Variants in ACTN4 observed in about 807,000 individuals in gnomAD.
The protein encoded by ACTN4 is alpha-actinin-4.
A neutral mutation model predicts 114.2 loss-of-function variants in ACTN4; 18 were observed. The ratio of observed to expected loss-of-function variants is 0.16; its 90% CI spans 0.11 to 0.23. ACTN4 has a LOEUF of 0.23. ACTN4 is among the 10% of genes least tolerant of loss of function. The probability of loss-of-function intolerance (pLI) is 1.00; values close to 1 mark genes in which losing one functional copy is unlikely to be tolerated. For synonymous variants in ACTN4, 515 were observed against 506.3 expected (o/e 1.02, Z -0.23); for missense variants, 722 against 1,262.9 (o/e 0.57, Z 6.49).
chr19:38,667,103 AAAC>A (rs1384427809), intron 1 of ACTN4, among the ~76,000 whole-genome samples: 4 of 152,200 alleles, frequency 2.6e-5, no homozygotes, highest in Non-Finnish European at 4.4e-5. Context: ...AAGGGGAAAA[AAAC>A]AACAACACAA....
chr19:38,728,904 C>G (rs538494140), intron 19 of ACTN4, 92 bp from the exon 20 acceptor site: 132 of 1,535,976 alleles, frequency 8.6e-5, no homozygotes, highest in African/African-American at 1.1e-4. Flanking sequence ...CCTACTCTCT[C>G]GGCTGTTTCC....
At position 38,719,761 on chromosome 19, in the gene ACTN4, C is replaced by T. The variant is rs187550002; in HGVS notation, c.1291+1687C>T. Among the ~76,000 whole-genome samples the T allele has an allele frequency of 2.6e-3, 389 of 152,372 alleles. 2 individuals are homozygous for T. The highest frequency in any genetic ancestry group is 8.7e-3 in the African/African-American group (361 of 41,588). On this transcript the variant is annotated intron_variant, in intron 11 of 20. Coordinates refer to ENST00000252699, the MANE Select transcript of ACTN4 (RefSeq NM_004924.6). ...ACCTTCTGGGGGTCTTTCTGCCCAC[C>T]CATCAGCTCTTCAGTCCCTCTACAG...
intron 1 of ACTN4, among the ~76,000 whole-genome samples, chr19:38,686,027 G>A (rs1210436938): frequency 1.3e-5 from 2 of 152,212 alleles, no homozygotes; most frequent in African/African-American, 4.8e-5. Context: ...AGAAACAGGA[G>A]TGTTTGCCCT....
Position 38,647,995 on chromosome 19 carries a change from G to A in ACTN4, c.162+88G>A, listed in dbSNP as rs532871970. 17 of 1,353,222 alleles carry A rather than the reference G, an allele frequency of 1.3e-5. No individual in the cohort carries two copies. In the East Asian group the frequency reaches 4.3e-4, roughly 34 times the overall value. 83.8% of individuals were successfully genotyped at this position (1,353,222 alleles called of 1,614,324 possible). ...GGAGGTCCTGAAAGGTAACTGGAGC[G>A]TCTGTGATGGGAACGGGGGGGTCCC... On this transcript the variant is annotated intron_variant, in intron 1 of 20. Coordinates refer to ENST00000252699, the MANE Select transcript of ACTN4 (RefSeq NM_004924.6).
Position 38,717,957 on chromosome 19 carries a change from C to A in ACTN4, c.1174C>A (p.Gln392Lys). ...CAACAATGGCTGGCAGCACTTGGAG[C>A]AGGCTGAGAAGGGCTACGAGGAGTG... The part of the protein sequence containing the change: ...DINNGWQHLE[Q>K]AEKGYEEWLL... The change falls in exon 11 of 21, where the codon CAG (glutamine) becomes AAG (lysine). Residue 392 changes from glutamine (Q) to lysine (K), a missense_variant. Gln to Lys is a moderately conservative substitution (Grantham distance 53). Transcript: ENST00000252699. The surrounding 1 kb of genome is among the most constrained non-coding windows in gnomAD (Gnocchi z 4.0). The A allele has an allele frequency of 6.2e-7, 1 of 1,606,480 alleles. No individual in the cohort carries two copies. Among genetic ancestry groups the A allele is most frequent in the East Asian group, 2.2e-5 (1 of 44,696 alleles).
At chr19:38,705,467 C>A (rs532780206) in intron 4 of ACTN4, among the ~76,000 whole-genome samples, 1 of 152,354 alleles carries the variant, frequency 6.6e-6, no homozygotes, top group Admixed American at 6.5e-5. Context: ...CTGCAAGCAC[C>A]TGTGTGCACA....
At position 38,727,501 on chromosome 19, in the gene ACTN4, G is replaced by A. The variant is rs1157316532; in HGVS notation, c.2337+398G>A. On this transcript the variant is annotated intron_variant, in intron 18 of 20. Coordinates refer to ENST00000252699, the MANE Select transcript of ACTN4 (RefSeq NM_004924.6). This position sits in a 1 kb window ranked among gnomAD's most constrained non-coding sequence, Gnocchi z 5.4. The stretch of plus-strand genomic sequence containing the variant: ...GGGGCCCTGAGCGCCAGAGTTTGCT[G>A]CCATCCCCAGCCCACCCCTGCCGGG... Among the ~76,000 whole-genome samples the A allele has an allele frequency of 6.6e-6, 1 of 152,130 alleles. No homozygotes were observed. The highest frequency in any genetic ancestry group is 2.4e-5 in the African/African-American group (1 of 41,412).
chr19:38,667,274 G>A (rs573802277), intron 1 of ACTN4, among the ~76,000 whole-genome samples: 1 of 152,136 alleles, frequency 6.6e-6, no homozygotes, highest in African/African-American at 2.4e-5. Context: ...GTCATTGTTC[G>A]AAGCTGTCAC....
At position 38,725,918 on chromosome 19, in the gene ACTN4, C is replaced by T. The variant is rs747923592; in HGVS notation, c.2190+15C>T. ...ATACCATGGAGGTGCGCGGCTGCCC[C>T]GCCCGCTGGCCTTTCCACCAGCATG... On this transcript the variant is annotated intron_variant, in intron 17 of 20. Transcript: ENST00000252699. 26 of 1,613,168 alleles carry T rather than the reference C, an allele frequency of 1.6e-5. No homozygotes were observed. Among genetic ancestry groups the T allele is most frequent in the East Asian group, 2.2e-5 (1 of 44,892 alleles).
Position 38,727,142 on chromosome 19 carries a change from C to T in ACTN4, c.2337+39C>T. The T allele has an allele frequency of 5.6e-6, 9 of 1,613,272 alleles. No individual in the cohort carries two copies. The highest frequency in any genetic ancestry group is 7.6e-6 in the Non-Finnish European group (9 of 1,179,882). On this transcript the variant is annotated intron_variant, in intron 18 of 20. Transcript: ENST00000252699. This position sits in a 1 kb window ranked among gnomAD's most constrained non-coding sequence, Gnocchi z 5.4. ...CACCTCCTCGGCCTCTCCCCTCCCG[C>T]CGTTGCCGTACCAGCCCACACCTTC... is the stretch of plus-strand genomic sequence containing the variant.
At chr19:38,677,093 A>T (rs1352403073) in intron 1 of ACTN4, among the ~76,000 whole-genome samples, 1 of 152,024 alleles carries the variant, frequency 6.6e-6, no homozygotes, top group East Asian at 1.9e-4. Flanking sequence ...CTTTCGCCTC[A>T]GCTCGCCACC....
In ACTN4 at chr19:38,718,034, G is replaced by A. The variant is rs1391166842; in HGVS notation, c.1251G>A (p.Lys417=). ...RLERLDHLAE[K]FRQKASIHEA... is the part of the protein sequence containing the mutation. Reference sequence around the variant, plus strand: ...AGCGGCTCGACCACCTGGCAGAGAAGTTCCGGCAGAAGGCCTCCATCCACG... The same window carrying A: ...AGCGGCTCGACCACCTGGCAGAGAAATTCCGGCAGAAGGCCTCCATCCACG... The change falls in exon 11 of 21, where the codon AAG becomes AAA. Residue 417 remains lysine, a synonymous_variant. Coordinates refer to ENST00000252699, the MANE Select transcript of ACTN4 (RefSeq NM_004924.6). The A allele has an allele frequency of 1.2e-6, 2 of 1,609,268 alleles. No homozygotes were observed. The highest frequency in any genetic ancestry group is 2.2e-5 in the South Asian group (2 of 90,060).
chr19:38,728,066 GCTCTCT>G (rs148995680), intron 19 of ACTN4, 40 bp downstream of exon 19: 2 of 1,506,318 alleles, frequency 1.3e-6, no homozygotes, highest in African/African-American at 1.4e-5. Context: ...GGCATTAACT[GCTCTCT>G]CTCTCTCTCT....
intron 1 of ACTN4, chr19:38,648,279 G>T: frequency 5.4e-6 from 1 of 184,316 alleles, no homozygotes; most frequent in Non-Finnish European, 1.1e-5. Context: ...ATGGGTTGGG[G>T]GTGCTGGGAG....
chr19:38,726,853 G>C (rs1265553765), intron 17 of ACTN4, 104 bp from the exon 18 acceptor site: 1 of 1,530,214 alleles, frequency 6.5e-7, no homozygotes, highest in Non-Finnish European at 8.8e-7. Flanking sequence ...GAGAGCAGGG[G>C]CTTTCCCCAG....
In ACTN4 at chr19:38,726,985, T is replaced by C. The variant is rs1468358063; in HGVS notation, c.2219T>C (p.Leu740Pro). 6.2e-7 allele frequency: 1 copy of C among 1,614,008 alleles called. No homozygotes were observed. Among genetic ancestry groups the C allele is most frequent in the South Asian group, 1.1e-5 (1 of 91,084 alleles). Residue 740 changes from leucine to proline, a missense_variant, in exon 18 of 21, where the codon CTC becomes CCC. Transcript: ENST00000252699. ...EHIRVGWEQLLTTIARTINEV... is the reference protein window; with the variant it reads ...EHIRVGWEQLPTTIARTINEV... The stretch of plus-strand genomic sequence containing the variant: ...ATCCGCGTGGGCTGGGAGCAGCTGC[T>C]CACCACCATTGCCCGCACCATCAAC...
chr19:38,681,129 GAAAAAAAAAAAA>G (rs35906770), intron 1 of ACTN4, among the ~76,000 whole-genome samples: 2 of 69,292 alleles, frequency 2.9e-5, no homozygotes, highest in African/African-American at 6.4e-5. Flanking sequence ...CCAATCTCTA[GAAAAAAAAAAAA>G]AAAAAAAAAA....
In ACTN4 at chr19:38,724,727, G is replaced by A. The variant is rs1969175181; in HGVS notation, c.2010+162G>A. Reference sequence around the variant, plus strand: ...GTGATCACCCTGCGGGGTTAGGAGAGTCCACAGAGCTTGCGCCTGGAATCC... The same window carrying A: ...GTGATCACCCTGCGGGGTTAGGAGAATCCACAGAGCTTGCGCCTGGAATCC... On this transcript the variant is annotated intron_variant, in intron 16 of 20. Transcript: ENST00000252699. The surrounding 1 kb of genome is among the most constrained non-coding windows in gnomAD (Gnocchi z 7.0). 1.3e-5 allele frequency among the ~76,000 whole-genome samples: 2 copies of A among 152,246 alleles called. No individual in the cohort carries two copies. Among genetic ancestry groups the A allele is most frequent in the Non-Finnish European group, 2.9e-5 (2 of 68,048 alleles).
intron 1 of ACTN4, 39 bp downstream of exon 1, chr19:38,647,946 T>G: frequency 5.1e-6 from 7 of 1,381,514 alleles, no homozygotes; most frequent in Non-Finnish European, 5.7e-6. Context: ...GAGGGGCTTT[T>G]CTGAGGGGGC....
Sources: allele counts gnomAD v4.1 joint callset (sites outside exome capture counted in the v4.1 genomes callset), GRCh38; gene constraint gnomAD v4.1.1; non-coding constraint Gnocchi (gnomAD v3.1); transcripts MANE v1.5; gene names NCBI Gene and HGNC (gene_info 2026-07-23, HGNC 2026-07-21).